Variants in RAB3GAP2 observed in about 807,000 individuals in gnomAD.
RAB3GAP2 encodes the protein rab3 GTPase-activating protein non-catalytic subunit.
A neutral mutation model predicts 185.3 loss-of-function variants in RAB3GAP2; 87 were observed. That is an observed-to-expected ratio of 0.47 (90% confidence interval 0.39 to 0.56). RAB3GAP2 has a LOEUF of 0.56. Among genes scored for constraint, RAB3GAP2 ranks in the 20% least tolerant of loss-of-function variants. RAB3GAP2 has a pLI of 0.00. For missense variants in RAB3GAP2, 1,492 were observed against 1,638.2 expected, an observed-to-expected ratio of 0.91 and a Z score of 1.54; for synonymous variants, 554 against 576.1, an observed-to-expected ratio of 0.96 and a Z score of 0.55.
intron 7 of RAB3GAP2, 31 bp from the exon 8 acceptor site, chr1:220,206,037 G>A: frequency 1.3e-5 from 18 of 1,339,914 alleles, no homozygotes; most frequent in Non-Finnish European, 1.9e-5. Context: ...AAAAGTTCTT[G>A]AATAGATAAA....
At chr1:220,155,734 G>A (rs768509774) in intron 31 of RAB3GAP2, among the ~76,000 whole-genome samples, 2 of 152,136 alleles carry the variant, frequency 1.3e-5, no homozygotes, top group Non-Finnish European at 2.9e-5. Flanking sequence ...CTGCAGATGA[G>A]TGTCACCCAG....
At position 220,173,778 on chromosome 1, in the gene RAB3GAP2, T is replaced by G. The variant is rs535643760; in HGVS notation, c.2311-1036A>C. On this transcript the variant is annotated intron_variant, in intron 21 of 34. Transcript: ENST00000358951. ...TGACACACCTGTAATCCCAGCACTTTGGGAGGCCGAGGCGGGCGGATCACG... is the reference window on the plus strand; with the variant it reads ...TGACACACCTGTAATCCCAGCACTTGGGGAGGCCGAGGCGGGCGGATCACG... Among the ~76,000 whole-genome samples the G allele has an allele frequency of 5.9e-5, 9 of 152,224 alleles. No homozygotes were observed. In the South Asian group the frequency reaches 1.9e-3, roughly 32 times the overall value.
At chr1:220,202,885 G>A (rs1008968857) in intron 8 of RAB3GAP2, among the ~76,000 whole-genome samples, 7 of 152,224 alleles carry the variant, frequency 4.6e-5, no homozygotes, top group African/African-American at 1.7e-4. Flanking sequence ...GGAGGTTGCA[G>A]TAAGCTGAGA....
chr1:220,209,484 T>C (rs1474063205), intron 7 of RAB3GAP2, among the ~76,000 whole-genome samples: 4 of 152,200 alleles, frequency 2.6e-5, no homozygotes, highest in Non-Finnish European at 5.9e-5. Flanking sequence ...TTTTCTTATT[T>C]TCCTGGTCCA....
intron 3 of RAB3GAP2, 84 bp downstream of exon 3, chr1:220,213,772 G>T (rs1024073065): frequency 1.7e-5 from 23 of 1,337,318 alleles, no homozygotes; most frequent in Non-Finnish European, 2.3e-5. Flanking sequence ...TAAATAAAAA[G>T]CATTATATTC....
At chr1:220,178,646 AT>A (rs1658339965) in intron 21 of RAB3GAP2, among the ~76,000 whole-genome samples, 1 of 152,196 alleles carries the variant, frequency 6.6e-6, no homozygotes. Context: ...AAAGCCTACA[AT>A]AGATACACAA....
Position 220,164,797 on chromosome 1 carries a change from T to C in RAB3GAP2, c.3090A>G (p.Glu1030=). The change falls in exon 27 of 35, where the codon GAA becomes GAG. Residue 1030 remains glutamate (E), a splice_region_variant and synonymous_variant. Coordinates refer to ENST00000358951, the MANE Select transcript of RAB3GAP2 (RefSeq NM_012414.4). ...YVVQWNKDPE[E]ARFFVRSIEH... is the part of the protein sequence containing the mutation. ...CTATTGACCTAACAAAAAAACGTGC[T>C]TCCTTACATACAGGGAGAAAAAAAC... 1 of 1,607,688 alleles carries C rather than the reference T, an allele frequency of 6.2e-7. No individual in the cohort carries two copies. The highest frequency in any genetic ancestry group is 1.1e-5 in the South Asian group (1 of 90,152).
intron 2 of RAB3GAP2, among the ~76,000 whole-genome samples, chr1:220,223,827 T>G (rs1659353097): frequency 6.6e-6 from 1 of 151,758 alleles, no homozygotes; most frequent in African/African-American, 2.4e-5. Context: ...GGCTAGCCCT[T>G]TAGAAGCACC....
chr1:220,185,110 T>A (rs1303883049), intron 18 of RAB3GAP2, among the ~76,000 whole-genome samples: 4 of 152,154 alleles, frequency 2.6e-5, no homozygotes, highest in African/African-American at 9.6e-5. Flanking sequence ...GAATTCAGAA[T>A]AAAGTGAATT....
chr1:220,168,591 T>A (rs1361408785), intron 24 of RAB3GAP2, among the ~76,000 whole-genome samples: 1 of 151,644 alleles, frequency 6.6e-6, no homozygotes, highest in Non-Finnish European at 1.5e-5. Context: ...GAGACAGGGT[T>A]TCACCATGTT....
chr1:220,220,394 A>T (rs1398666803), intron 2 of RAB3GAP2: 1 of 152,528 alleles, frequency 6.6e-6, no homozygotes, highest in Non-Finnish European at 1.5e-5. Flanking sequence ...GAAAAAGTCC[A>T]GGCTCTCAGA....
intron 9 of RAB3GAP2, among the ~76,000 whole-genome samples, chr1:220,196,988 T>C (rs965478036): frequency 2.0e-5 from 3 of 147,982 alleles, no homozygotes; most frequent in Non-Finnish European, 4.5e-5. Flanking sequence ...AATTCACTTC[T>C]TTTTTTTTTA....
In RAB3GAP2 at chr1:220,221,556, G is replaced by C. The variant is rs1158527436; in HGVS notation, c.181-7577C>G. Among the ~76,000 whole-genome samples, 4 of 152,128 alleles carry C rather than the reference G, an allele frequency of 2.6e-5. 1 individual carries two copies. On this transcript the variant is annotated intron_variant, in intron 2 of 34. Transcript: ENST00000358951. Reference sequence around the variant, plus strand: ...AATGCACCTATAAAACATAATCCTAGTTGTTGAGGGGAGGGAATCTATAAT... The same window carrying C: ...AATGCACCTATAAAACATAATCCTACTTGTTGAGGGGAGGGAATCTATAAT...
rs773249438 is a variant in RAB3GAP2, at chr1:220,191,273, C to G, written c.1282G>C (p.Ala428Pro). The change falls in exon 14 of 35, where the codon GCA (alanine) becomes CCA (proline). Residue 428 changes from alanine to proline, a missense_variant. Coordinates refer to ENST00000358951, the MANE Select transcript of RAB3GAP2 (RefSeq NM_012414.4). ...ACAGTTTGAATCCATCCAATTTGTGCGTCGCGGTACCCTTAGAGACAGAGG... is the reference window on the plus strand; with the variant it reads ...ACAGTTTGAATCCATCCAATTTGTGGGTCGCGGTACCCTTAGAGACAGAGG... ...AIRMWKGYRD[A>P]QIGWIQTVED... is the part of the protein sequence containing the mutation. The G allele has an allele frequency of 6.4e-7, 1 of 1,569,534 alleles. No individual in the cohort carries two copies. The highest frequency in any genetic ancestry group is 8.7e-7 in the Non-Finnish European group (1 of 1,155,900).
At chr1:220,219,447 C>A (rs1329946679) in intron 2 of RAB3GAP2, 9 of 152,140 alleles carry the variant, frequency 5.9e-5, no homozygotes, top group Non-Finnish European at 8.8e-5. Context: ...TCACACAGTC[C>A]CTGGACAATT....
intron 24 of RAB3GAP2, 34 bp downstream of exon 24, chr1:220,170,858 A>T (rs765244844): frequency 1.3e-6 from 2 of 1,539,484 alleles, no homozygotes; most frequent in African/African-American, 2.7e-5. Flanking sequence ...ACATAAAAAA[A>T]TGGATGCAAA....
In RAB3GAP2 at chr1:220,193,314, G is replaced by T. The variant is rs370443300; in HGVS notation, c.1196C>A (p.Ala399Glu). The change falls in exon 13 of 35, where the codon GCA (alanine) becomes GAA (glutamate). Residue 399 changes from alanine (A) to glutamate (E), a missense_variant. Coordinates refer to ENST00000358951, the MANE Select transcript of RAB3GAP2 (RefSeq NM_012414.4). ...SICLSPCNTL[A>E]AVTDDFGRVI... ...TCTGCCGAAATCATCTGTTACTGCT[G>T]CCAGTGTGTTACATGGAGACAGACA... is the stretch of plus-strand genomic sequence containing the variant. 9 of 1,613,846 alleles carry T rather than the reference G, an allele frequency of 5.6e-6. No homozygotes were observed. Among genetic ancestry groups the T allele is most frequent in the Non-Finnish European group, 6.8e-6 (8 of 1,179,912 alleles).
At chr1:220,167,746 AT>A in intron 24 of RAB3GAP2, 71 bp from the exon 25 acceptor site, 1 of 1,470,838 alleles carries the variant, frequency 6.8e-7, no homozygotes, top group Non-Finnish European at 9.4e-7. Context: ...ATGGGAGCCA[AT>A]TTCCTTACGA....
chr1:220,272,433 C>T lies in RAB3GAP2; in HGVS notation c.-96G>A, dbSNP rs947161856. ...CGCCACCGAGCCCCAATAGCTCTAG[C>T]CAAGCAGAAGGCGGAGAAACCAAAC... On this transcript the variant is annotated 5_prime_UTR_variant, in exon 1 of 35. Transcript: ENST00000358951. 1 of 800,256 alleles carries T rather than the reference C, an allele frequency of 1.2e-6. No homozygotes were observed. 49.6% of individuals were successfully genotyped at this position (800,256 alleles called of 1,614,324 possible). A position where few individuals can be genotyped will look rare whatever the true frequency, so the allele number is the denominator to read the frequency against.
Sources: gnomAD v4.1 joint callset for allele counts (sites outside exome capture counted in the v4.1 genomes callset) on GRCh38, gnomAD v4.1.1 for gene constraint, MANE v1.5 for transcripts, NCBI Gene and HGNC (gene_info 2026-07-23, HGNC 2026-07-21) for gene names.